The following ESF1 variants were observed in gnomAD, a reference collection of about 807,000 sequenced individuals.
The protein encoded by ESF1 is ESF1 homolog.
ESF1 carries 58 observed loss-of-function variants against 92.0 expected under a neutral mutation model. The observed-to-expected ratio is 0.63, with a 90% CI of 0.51 to 0.78. ESF1 has a LOEUF of 0.78. Among genes scored for constraint, ESF1 ranks in the 30% least tolerant of loss-of-function variants. ESF1 has a pLI of 0.00. For missense variants in ESF1, 922 were observed against 989.1 expected (o/e 0.93, Z 0.91); for synonymous variants, 321 against 313.7 (o/e 1.02, Z -0.24).
At chr20:13,772,096 TAA>T (rs34368329) in intron 5 of ESF1, among the ~76,000 whole-genome samples, 14 of 145,924 alleles carry the variant, frequency 9.6e-5, no homozygotes, top group Admixed American at 2.7e-4. Flanking sequence ...ACCATGATGA[TAA>T]AAAAAAAAGT....
chr20:13,769,438 A>G (rs1467020085), intron 7 of ESF1, among the ~76,000 whole-genome samples: 1 of 152,230 alleles, frequency 6.6e-6, no homozygotes, highest in African/African-American at 2.4e-5. Flanking sequence ...CAGATATGGT[A>G]GAGGCAGACA....
intron 9 of ESF1, among the ~76,000 whole-genome samples, chr20:13,753,502 C>T (rs971176477): frequency 6.6e-6 from 1 of 151,088 alleles, no homozygotes; most frequent in African/African-American, 2.4e-5. Flanking sequence ...TCTTCCAGAA[C>T]CTGATGTAGA....
At chr20:13,731,461 G>A (rs2049942181) in intron 10 of ESF1, among the ~76,000 whole-genome samples, 1 of 148,690 alleles carries the variant, frequency 6.7e-6, no homozygotes, top group Admixed American at 6.8e-5. Flanking sequence ...GAACCCGGGA[G>A]GTGGAGCTTG....
intron 9 of ESF1, among the ~76,000 whole-genome samples, chr20:13,748,454 A>G (rs915753360): frequency 7.9e-5 from 10 of 127,012 alleles, no homozygotes; most frequent in Non-Finnish European, 1.8e-4. Flanking sequence ...ATATACATAT[A>G]TATACATATA....
chr20:13,782,845 G>GT lies in ESF1; in HGVS notation c.295dup (p.Thr99AsnfsTer4), dbSNP rs761368179. The GT allele has an allele frequency of 1.9e-6, 3 of 1,602,370 alleles. No homozygotes were observed. The highest frequency in any genetic ancestry group is 1.1e-5 in the South Asian group (1 of 87,000). ...TGAATCGATTTCTTTTTTAGTCTGGGTTTTTTTCTTCTTTATTTTCTTTTG... is the reference window on the plus strand; with the variant it reads ...TGAATCGATTTCTTTTTTAGTCTGGGTTTTTTTTCTTCTTTATTTTCTTTTG... On this transcript the variant is annotated frameshift_variant, in exon 2 of 14. Transcript: ENST00000617257. LOFTEE classifies it high-confidence loss of function.
At chr20:13,760,191 G>T (rs1346287899) in intron 8 of ESF1, among the ~76,000 whole-genome samples, 1 of 152,200 alleles carries the variant, frequency 6.6e-6, no homozygotes. Context: ...TCTGGGAAGT[G>T]AGGAGCGTCT....
At chr20:13,747,420 G>A (rs1488339800) in intron 9 of ESF1, among the ~76,000 whole-genome samples, 6 of 151,856 alleles carry the variant, frequency 4.0e-5, no homozygotes, top group East Asian at 1.9e-4. Context: ...TTAGCTGGGC[G>A]TGGTGGTGCA....
chr20:13,734,121 A>G (rs1390822864), intron 9 of ESF1, among the ~76,000 whole-genome samples: 1 of 152,200 alleles, frequency 6.6e-6, no homozygotes, highest in African/African-American at 2.4e-5. Flanking sequence ...TCAAGCCACT[A>G]AAGAAAAATA....
At chr20:13,736,797 T>C (rs1233125116) in intron 9 of ESF1, among the ~76,000 whole-genome samples, 1 of 152,022 alleles carries the variant, frequency 6.6e-6, no homozygotes, top group African/African-American at 2.4e-5. Context: ...AATATTTTTC[T>C]GGTACTTTGT....
intron 9 of ESF1, among the ~76,000 whole-genome samples, chr20:13,743,386 C>A (rs1869323242): frequency 6.6e-6 from 1 of 152,104 alleles, no homozygotes; most frequent in Non-Finnish European, 1.5e-5. Flanking sequence ...GGGTATATAT[C>A]CAAAGGAAAT....
chr20:13,728,372 G>A lies in ESF1; in HGVS notation c.2038+6C>T. 3.7e-6 allele frequency: 6 copies of A among 1,604,850 alleles called. No individual in the cohort carries two copies. The highest frequency in any genetic ancestry group is 5.1e-6 in the Non-Finnish European group (6 of 1,175,238). Reference sequence around the variant, plus strand: ...AGTTGAAAACTACAGATATGAGCTGGCTTACCTATTTGTTTAACTTCTTCA... The same window carrying A: ...AGTTGAAAACTACAGATATGAGCTGACTTACCTATTTGTTTAACTTCTTCA... On this transcript the variant is annotated splice_donor_region_variant and intron_variant, in intron 11 of 13. Coordinates refer to ENST00000617257, the MANE Select transcript of ESF1 (RefSeq NM_001276380.2).
chr20:13,725,255 T>A (rs1421514956), intron 11 of ESF1, among the ~76,000 whole-genome samples: 1 of 152,222 alleles, frequency 6.6e-6, no homozygotes, highest in Non-Finnish European at 1.5e-5. Context: ...CCACCAAATA[T>A]ACAAATTTAT....
At chr20:13,774,073 C>T (rs938298457) in intron 4 of ESF1, among the ~76,000 whole-genome samples, 8 of 150,470 alleles carry the variant, frequency 5.3e-5, no homozygotes, top group Non-Finnish European at 8.9e-5. Context: ...CCAGCCTGGG[C>T]GACAGAGCGA....
chr20:13,749,277 G>A (rs1978509629), intron 9 of ESF1, among the ~76,000 whole-genome samples: 1 of 142,126 alleles, frequency 7.0e-6, no homozygotes, highest in Admixed American at 7.2e-5. Context: ...GTAGCAACAG[G>A]GTTTCACCAT....
Position 13,763,307 on chromosome 20 carries a change from G to A in ESF1, c.1667-3454C>T, listed in dbSNP as rs1049135560. Among the ~76,000 whole-genome samples, 3 of 152,300 alleles carry A rather than the reference G, an allele frequency of 2.0e-5. No individual in the cohort carries two copies. In the South Asian group the frequency reaches 6.2e-4, roughly 32 times the overall value. ...GGTTTAGTAAACCTAATCTATGTAT[G>A]GTGAAGTTAGGATTTGAAACTAGCA... On this transcript the variant is annotated intron_variant, in intron 8 of 13. Transcript: ENST00000617257.
intron 11 of ESF1, among the ~76,000 whole-genome samples, chr20:13,726,345 C>T (rs1471909250): frequency 6.6e-6 from 1 of 152,138 alleles, no homozygotes; most frequent in African/African-American, 2.4e-5. Context: ...ATTCCCTCTC[C>T]GACAATGCTC....
At chr20:13,782,379 C>G in intron 2 of ESF1, 125 bp downstream of exon 2, 1 of 756,644 alleles carries the variant, frequency 1.3e-6, no homozygotes, top group East Asian at 3.2e-5. Flanking sequence ...CTTTGTATTT[C>G]CAGATAAGCA....
At chr20:13,774,128 A>G (rs1979816997) in intron 4 of ESF1, among the ~76,000 whole-genome samples, 1 of 152,140 alleles carries the variant, frequency 6.6e-6, no homozygotes, top group African/African-American at 2.4e-5. Context: ...GCTACTCTTA[A>G]TTTGTTTATT....
In ESF1 at chr20:13,783,132, G is replaced by A; in HGVS notation, c.9C>T (p.Ser3=). The change falls in exon 2 of 14, where the codon TCC becomes TCT. Residue 3 remains serine (S), a synonymous_variant. Coordinates refer to ENST00000617257, the MANE Select transcript of ESF1 (RefSeq NM_001276380.2). ...GCTGGTCACTCATTATTTCTTGTTT[G>A]GATGACATTTTTAATTCTTAATCTC... MS[S]KQEIMSDQRF... is the part of the protein sequence containing the mutation. 4 of 1,592,752 alleles carry A rather than the reference G, an allele frequency of 2.5e-6. No homozygotes were observed. Among genetic ancestry groups the A allele is most frequent in the Non-Finnish European group, 3.4e-6 (4 of 1,166,270 alleles).
Sources: allele counts gnomAD v4.1 joint callset (sites outside exome capture counted in the v4.1 genomes callset), GRCh38; gene constraint gnomAD v4.1.1; transcripts MANE v1.5; gene names NCBI Gene and HGNC (gene_info 2026-07-23, HGNC 2026-07-21).